ABTB3: variants seen among roughly 807,000 people sequenced by gnomAD.
ABTB3 encodes ankyrin repeat and BTB domain containing 3.
At chr12:107,543,621 G>GGCAGTATGCAGGAACGGGAC in the ABTB3 span, among the ~76,000 whole-genome samples, 9 of 152,206 alleles carry the variant, frequency 5.9e-5, no homozygotes, top group African/African-American at 1.9e-4. Flanking sequence ...CACAGGGCGA[G>GGCAGTATGCAGGAACGGGAC]GGAGGCAGTA....
chr12:107,452,506 A>G, the ABTB3 span, among the ~76,000 whole-genome samples: 1 of 148,960 alleles, frequency 6.7e-6, no homozygotes, highest in Admixed American at 6.7e-5. Context: ...GCGCCCGGCC[A>G]TGAAACTTAC....
At chr12:107,615,637 T>C in the ABTB3 span, among the ~76,000 whole-genome samples, 1 of 152,236 alleles carries the variant, frequency 6.6e-6, no homozygotes, top group African/African-American at 2.4e-5. Context: ...ATCCCACTTC[T>C]TGAGAATCAG....
the ABTB3 span, among the ~76,000 whole-genome samples, chr12:107,654,898 T>G: frequency 6.7e-6 from 1 of 150,104 alleles, no homozygotes; most frequent in South Asian, 2.1e-4. Context: ...AAAATCTGGT[T>G]TCTCAGGACA....
the ABTB3 span, among the ~76,000 whole-genome samples, chr12:107,446,892 G>A: frequency 6.6e-6 from 1 of 152,200 alleles, no homozygotes; most frequent in Non-Finnish European, 1.5e-5. Context: ...TTCTGCTCTA[G>A]AGGGCTAGTA....
the ABTB3 span, among the ~76,000 whole-genome samples, chr12:107,524,720 C>T: frequency 6.6e-6 from 1 of 152,218 alleles, no homozygotes. Flanking sequence ...TGAATCCAAG[C>T]TTCTCAAGGC....
chr12:107,653,375 G>A, the ABTB3 span, among the ~76,000 whole-genome samples: 12 of 152,044 alleles, frequency 7.9e-5, no homozygotes, highest in Admixed American at 2.0e-4. Context: ...AAATTAGCTG[G>A]GCATGGTGGC....
At chr12:107,331,873 A>AGGGCAGG in the ABTB3 span, among the ~76,000 whole-genome samples, 18 of 152,240 alleles carry the variant, frequency 1.2e-4, no homozygotes, top group African/African-American at 4.1e-4. Context: ...TGGTGGATGG[A>AGGGCAGG]GGGCAGGGGC....
At chr12:107,593,845 T>C in the ABTB3 span, among the ~76,000 whole-genome samples, 2 of 152,060 alleles carry the variant, frequency 1.3e-5, no homozygotes, top group Admixed American at 1.3e-4. Context: ...GTCTATCTAG[T>C]GGGAAGAGAG....
the ABTB3 span, among the ~76,000 whole-genome samples, chr12:107,452,518 G>C: frequency 6.6e-6 from 1 of 151,538 alleles, no homozygotes; most frequent in African/African-American, 2.4e-5. Flanking sequence ...GAAACTTACA[G>C]TGTCTAGGGG....
chr12:107,561,566 G>T, the ABTB3 span, among the ~76,000 whole-genome samples: 5 of 152,202 alleles, frequency 3.3e-5, no homozygotes, highest in African/African-American at 1.2e-4. Flanking sequence ...GCCCTGGAAA[G>T]TCAGGGGTGT....
chr12:107,609,806 G>C, the ABTB3 span, among the ~76,000 whole-genome samples: 1 of 152,186 alleles, frequency 6.6e-6, no homozygotes, highest in African/African-American at 2.4e-5. Flanking sequence ...CCTTGGGCAG[G>C]GCCCTTATCT....
the ABTB3 span, among the ~76,000 whole-genome samples, chr12:107,584,652 T>C: frequency 6.6e-6 from 1 of 152,154 alleles, no homozygotes; most frequent in Non-Finnish European, 1.5e-5. Context: ...TTAGCACATA[T>C]AATTACCTAC....
At chr12:107,355,885 A>C in the ABTB3 span, among the ~76,000 whole-genome samples, 1 of 152,148 alleles carries the variant, frequency 6.6e-6, no homozygotes, top group South Asian at 2.1e-4. Flanking sequence ...GTGTGCCCTA[A>C]ACCTCAGTTA....
chr12:107,488,627 A>C, the ABTB3 span, among the ~76,000 whole-genome samples: 46 of 151,662 alleles, frequency 3.0e-4, no homozygotes, highest in Non-Finnish European at 4.9e-4. Context: ...CTGAGCAAGG[A>C]AGCAATCAAA....
the ABTB3 span, among the ~76,000 whole-genome samples, chr12:107,340,275 A>C: frequency 6.6e-6 from 1 of 152,172 alleles, no homozygotes; most frequent in African/African-American, 2.4e-5. Flanking sequence ...TGGAGAAAAA[A>C]TGGTCTTGTG....
At chr12:107,418,047 T>C in the ABTB3 span, among the ~76,000 whole-genome samples, 1 of 152,220 alleles carries the variant, frequency 6.6e-6, no homozygotes, top group Non-Finnish European at 1.5e-5. Context: ...TTTGATTGGA[T>C]TAAAGGATGC....
the ABTB3 span, among the ~76,000 whole-genome samples, chr12:107,448,622 GTTCT>G: frequency 7.7e-4 from 116 of 151,542 alleles, no homozygotes; most frequent in Middle Eastern, 3.4e-3. Context: ...GAACCTGTAT[GTTCT>G]TTCTTTCTTT....
the ABTB3 span, among the ~76,000 whole-genome samples, chr12:107,566,051 C>A: frequency 6.6e-6 from 1 of 152,164 alleles, no homozygotes; most frequent in Non-Finnish European, 1.5e-5. Flanking sequence ...ATCTAGACTG[C>A]GAAGTAAATT....
chr12:107,504,703 TC>T, the ABTB3 span, among the ~76,000 whole-genome samples: 1 of 152,208 alleles, frequency 6.6e-6, no homozygotes, highest in East Asian at 1.9e-4. Flanking sequence ...AAAGGGATTT[TC>T]AGTTGGAAGC....
Sources: allele counts gnomAD v4.1 joint callset (sites outside exome capture counted in the v4.1 genomes callset), GRCh38; gene constraint gnomAD v4.1.1; transcripts MANE v1.5; gene names NCBI Gene and HGNC (gene_info 2026-07-23, HGNC 2026-07-21).